The following SPTBN5 variants were observed in gnomAD, a reference collection of about 807,000 sequenced individuals.
The protein encoded by SPTBN5 is spectrin beta, non-erythrocytic 5.
SPTBN5 carries 513 observed loss-of-function variants against 477.6 expected under a neutral mutation model. The observed-to-expected ratio is 1.07, with a 90% CI of 1.00 to 1.16. The LOEUF (loss-of-function observed/expected upper bound fraction) is 1.16. SPTBN5 is among the 50% of genes most tolerant of loss of function. The pLI is 0.00. For synonymous variants in SPTBN5, 2,169 were observed against 2,011.7 expected (o/e 1.08, Z -2.09); for missense variants, 5,062 against 4,731.8 (o/e 1.07, Z -2.05).
chr15:41,849,995 C>T (rs367558409), intron 66 of SPTBN5, 36 bp from the exon 67 acceptor site: 43 of 1,525,404 alleles, frequency 2.8e-5, no homozygotes, highest in Non-Finnish European at 3.8e-5. Context: ...TTAGCCCGGC[C>T]CAGACCATCT....
chr15:41,864,528 T>A (rs187983250), intron 39 of SPTBN5, among the ~76,000 whole-genome samples: 1 of 152,320 alleles, frequency 6.6e-6, no homozygotes, highest in East Asian at 1.9e-4. Context: ...TGGCCAGGCT[T>A]GTCTCAAACT....
At chr15:41,888,812 C>G (rs755757211) in intron 4 of SPTBN5, among the ~76,000 whole-genome samples, 4 of 152,206 alleles carry the variant, frequency 2.6e-5, no homozygotes, top group Non-Finnish European at 5.9e-5. Flanking sequence ...GCTGCACTTC[C>G]CCTGCCCTCT....
In SPTBN5 at chr15:41,857,253, C is replaced by T. The variant is rs370429642; in HGVS notation, c.8606G>A (p.Arg2869Gln). The T allele has an allele frequency of 4.0e-5, 64 of 1,582,616 alleles. No individual in the cohort carries two copies. The highest frequency in any genetic ancestry group is 3.4e-4 in the African/African-American group (25 of 74,566). ...GTGGATCTACCTCTGAAGCAGCCGC[C>T]GGGCCTGCTCTTCCACATCTTGGGC... ...CLAQDVEEQARRLLQRFKSLR... is the reference protein window; with the variant it reads ...CLAQDVEEQAQRLLQRFKSLR... Residue 2869 changes from arginine (R) to glutamine (Q), a missense_variant, in exon 51 of 68, where the codon CGG becomes CAG. Transcript: ENST00000320955.
At chr15:41,855,482 C>A in intron 54 of SPTBN5, 54 bp from the exon 55 acceptor site, 2 of 1,591,138 alleles carry the variant, frequency 1.3e-6, no homozygotes, top group South Asian at 2.2e-5. Flanking sequence ...CAGGCTGGAG[C>A]AGTCTCCTGC....
chr15:41,888,257 G>A (rs1314621882), intron 4 of SPTBN5, among the ~76,000 whole-genome samples, 172 bp from the exon 5 acceptor site: 1 of 152,250 alleles, frequency 6.6e-6, no homozygotes, highest in African/African-American at 2.4e-5. Flanking sequence ...TTTCATCCAC[G>A]GTGGGCAAGG....
chr15:41,860,801 C>T (rs776350275), intron 46 of SPTBN5, 43 bp from the exon 47 acceptor site: 22 of 1,435,174 alleles, frequency 1.5e-5, no homozygotes, highest in Non-Finnish European at 1.9e-5. Context: ...GAGCCTCCCC[C>T]TCCCATCCCA....
In SPTBN5 at chr15:41,882,005, G is replaced by T; in HGVS notation, c.2388C>A (p.Ala796=). 2 of 1,537,520 alleles carry T rather than the reference G, an allele frequency of 1.3e-6. No homozygotes were observed. Among genetic ancestry groups the T allele is most frequent in the Non-Finnish European group, 1.7e-6 (2 of 1,151,456 alleles). ...CCAGCCGCCGCAGCTCGGCCGCGAA[G>T]GCGCGCAGGACGCGCTCCAGCCGCA... ...RHVRLERVLR[A]FAAELRRLEE... The change falls in exon 12 of 68, where the codon GCC becomes GCA. Residue 796 remains alanine (A), a synonymous_variant. Transcript: ENST00000320955.
At position 41,876,663 on chromosome 15, in the gene SPTBN5, G is replaced by GT; in HGVS notation, c.3852-17_3852-16insA. Reference sequence around the variant, plus strand: ...CTCTCTGACCCTGGAGGGCGGGGGGGGGTTGGAGGAGGGCATGGGAGAGGA... The same window carrying GT: ...CTCTCTGACCCTGGAGGGCGGGGGGGTGGTTGGAGGAGGGCATGGGAGAGGA... On this transcript the variant is annotated splice_polypyrimidine_tract_variant and intron_variant, in intron 19 of 67. Transcript: ENST00000320955. 2.8e-6 allele frequency: 4 copies of GT among 1,431,690 alleles called. No homozygotes were observed. Among genetic ancestry groups the GT allele is most frequent in the Non-Finnish European group, 2.9e-6 (3 of 1,029,190 alleles). 88.7% of individuals were successfully genotyped at this position (1,431,690 alleles called of 1,614,324 possible).
chr15:41,849,065 A>T (rs1247391527), intron 67 of SPTBN5, among the ~76,000 whole-genome samples: 1 of 152,228 alleles, frequency 6.6e-6, no homozygotes, highest in African/African-American at 2.4e-5. Flanking sequence ...CTCCAGGCAC[A>T]CGGCTGTATA....
chr15:41,851,327 C>T lies in SPTBN5; in HGVS notation c.10699G>A (p.Gly3567Ser), dbSNP rs1163385399. ...TCCAGGAACAGGCTCAGAGAGCTGC[C>T]CTGCAAGTTCCCGCGGCAGCTGTCC... ...SWDSCRGNLQGSSLSLFLDER... is the reference protein window; with the variant it reads ...SWDSCRGNLQSSSLSLFLDER... The change falls in exon 64 of 68, where the codon GGC (glycine) becomes AGC (serine). Residue 3567 changes from glycine (G) to serine (S), a missense_variant. By Grantham distance (56) the Gly-to-Ser change is moderately conservative (BLOSUM62 0). Coordinates refer to ENST00000320955, the MANE Select transcript of SPTBN5 (RefSeq NM_016642.4). 3 of 1,551,110 alleles carry T rather than the reference C, an allele frequency of 1.9e-6. No individual in the cohort carries two copies. The highest frequency in any genetic ancestry group is 2.6e-6 in the Non-Finnish European group (3 of 1,146,970).
chr15:41,862,100 G>A, intron 44 of SPTBN5, 30 bp downstream of exon 44: 1 of 1,523,850 alleles, frequency 6.6e-7, no homozygotes, highest in East Asian at 2.4e-5. Context: ...CTGAGAGCCT[G>A]GGAAAGGCTT....
rs747749616 is a variant in SPTBN5, at chr15:41,881,068, C to T, written c.2624G>A (p.Ser875Asn). ...NTILQTQDHLSQDYESLRALA... is the reference protein window; with the variant it reads ...NTILQTQDHLNQDYESLRALA... ...GGCCCGCAGACTCTCATAGTCCTGA[C>T]TCAAGTGGTCCTGTGTCTGGAGTAT... Residue 875 changes from serine (S) to asparagine (N), a missense_variant, in exon 13 of 68, where the codon AGT becomes AAT. Transcript: ENST00000320955. The T allele has an allele frequency of 4.4e-6, 7 of 1,605,058 alleles. No homozygotes were observed. In the African/African-American group the frequency reaches 5.3e-5, roughly 12 times the overall value.
At position 41,887,517 on chromosome 15, in the gene SPTBN5, C is replaced by T. The variant is rs1046828726; in HGVS notation, c.660-76G>A. The T allele has an allele frequency of 6.9e-6, 8 of 1,166,432 alleles. No individual in the cohort carries two copies. In the African/African-American group the frequency reaches 1.2e-4, roughly 18 times the overall value. 72.3% of individuals were successfully genotyped at this position (1,166,432 alleles called of 1,614,324 possible). A position where few individuals can be genotyped will look rare whatever the true frequency, so the allele number is the denominator to read the frequency against. ...CTTTAAGTAGATTCTTAAATGCACT[C>T]ATGCTCCTATTGGCCATTCACATCT... is the stretch of plus-strand genomic sequence containing the variant. On this transcript the variant is annotated intron_variant, in intron 5 of 67. Transcript: ENST00000320955.
At chr15:41,859,027 G>C in intron 47 of SPTBN5, 47 bp from the exon 48 acceptor site, 1 of 1,432,230 alleles carries the variant, frequency 7.0e-7, no homozygotes, top group African/African-American at 1.4e-5. Context: ...CCCGGGGCCA[G>C]GTGGGGTGCC....
rs562864690 is a variant in SPTBN5, at chr15:41,850,346, C to T, written c.10922-387G>A. 1.3e-4 allele frequency: 35 copies of T among 263,144 alleles called. No homozygotes were observed. The East Asian group carries it at 2.8e-3, about 21-fold the overall frequency. 16.3% of individuals were successfully genotyped at this position (263,144 alleles called of 1,614,324 possible). ...CCCTGAACACACGGTCCACACGGAG[C>T]CTCAGCAGAGCACGCTGACCACGGA... is the stretch of plus-strand genomic sequence containing the variant. On this transcript the variant is annotated intron_variant, in intron 66 of 67. Coordinates refer to ENST00000320955, the MANE Select transcript of SPTBN5 (RefSeq NM_016642.4).
Position 41,880,374 on chromosome 15 carries a change from G to A in SPTBN5, c.2659-62C>T, listed in dbSNP as rs182339466. On this transcript the variant is annotated intron_variant, in intron 13 of 67. Transcript: ENST00000320955. ...GGGCCCCCGACAGGGCTCTCAGAGC[G>A]GGTCAAAGGGGTGCTCCTCCCCATC... 2,614 of 1,481,220 alleles carry A rather than the reference G, an allele frequency of 1.8e-3. 35 individuals carry two copies. The highest frequency in any genetic ancestry group is 0.017 in the Middle Eastern group (71 of 4,162). The allele number at this position is 1,481,220 out of a possible 1,614,324, so 91.8% of individuals were successfully genotyped here. A position where few individuals can be genotyped will look rare whatever the true frequency, so the allele number is the denominator to read the frequency against.
chr15:41,869,659 C>T (rs2066462470), intron 32 of SPTBN5, among the ~76,000 whole-genome samples, 182 bp downstream of exon 32: 1 of 152,248 alleles, frequency 6.6e-6, no homozygotes, highest in Non-Finnish European at 1.5e-5. Flanking sequence ...TAAGGTGTCA[C>T]TGCTATGCCC....
rs1197684 is a variant in SPTBN5 at position 41,879,646 on chromosome 15, T to C, written c.2942+88A>G. 0.062 allele frequency: 99,555 copies of C among 1,594,510 alleles called. 4,556 individuals are homozygous for C. Among genetic ancestry groups the C allele is most frequent in the African/African-American group, 0.2 (15,068 of 74,712 alleles). On this transcript the variant is annotated intron_variant, in intron 15 of 67. Transcript: ENST00000320955. ...GCCTCGGACACGTCCAGCCTCTCCA[T>C]CTGGCATGGCGGGAGGCAGGTGAGT...
rs543441525 is a variant in SPTBN5 at position 41,851,779 on chromosome 15, C to T, written c.10656G>A (p.Gln3552=). The change falls in exon 63 of 68, where the codon CAG becomes CAA. Residue 3552 remains glutamine, a splice_region_variant and synonymous_variant. Coordinates refer to ENST00000320955, the MANE Select transcript of SPTBN5 (RefSeq NM_016642.4). The part of the protein sequence containing the change: ...FKQHLLPGGR[Q]PSSSSWDSCR... Reference sequence around the variant, plus strand: ...GGAGAAGGAATCTCCAGGCACTCACCTGCCTCCCGCCAGGCAGCAGGTGCT... The same window carrying T: ...GGAGAAGGAATCTCCAGGCACTCACTTGCCTCCCGCCAGGCAGCAGGTGCT... 3.2e-4 allele frequency: 516 copies of T among 1,608,482 alleles called. 4 individuals carry two copies. The South Asian group carries it at 5.1e-3, about 16-fold the overall frequency.
Sources: gnomAD v4.1 joint callset for allele counts (sites outside exome capture counted in the v4.1 genomes callset) on GRCh38, gnomAD v4.1.1 for gene constraint, MANE v1.5 for transcripts, NCBI Gene and HGNC (gene_info 2026-07-23, HGNC 2026-07-21) for gene names.